LRRC7: variants seen among roughly 807,000 people sequenced by gnomAD.
LRRC7 encodes leucine-rich repeat-containing protein 7.
Under a neutral mutation model 175.7 loss-of-function variants are expected in LRRC7, and 23 were observed. The observed-to-expected ratio is 0.13, with a 90% CI of 0.09 to 0.19. The LOEUF (loss-of-function observed/expected upper bound fraction) is 0.19, where lower values mean the gene tolerates loss of function less well. LRRC7 is among the 10% of genes least tolerant of loss of function. The probability of loss-of-function intolerance (pLI) is 1.00; values close to 1 mark genes in which losing one functional copy is unlikely to be tolerated. For missense variants in LRRC7, 1,354 were observed against 1,904.7 expected (o/e 0.71, Z 5.38); for synonymous variants, 685 against 680.9 (o/e 1.01, Z -0.09).
intron 1 of LRRC7, among the ~76,000 whole-genome samples, chr1:69,596,936 T>C (rs951010630): frequency 1.3e-5 from 2 of 152,240 alleles, no homozygotes; most frequent in Admixed American, 1.3e-4. Flanking sequence ...GAGAACAATC[T>C]GGTGTCAGTC....
At chr1:69,896,277 TA>T (rs1191976910) in intron 7 of LRRC7, among the ~76,000 whole-genome samples, 2 of 152,156 alleles carry the variant, frequency 1.3e-5, no homozygotes, top group Admixed American at 1.3e-4. Context: ...TAACCTTAAA[TA>T]TTTTTCTTTT....
chr1:70,042,805 A>T (rs1558020100), intron 21 of LRRC7, among the ~76,000 whole-genome samples: 1 of 152,308 alleles, frequency 6.6e-6, no homozygotes, highest in South Asian at 2.1e-4. Flanking sequence ...ATAATAATGA[A>T]TCCATAACAA....
intron 7 of LRRC7, chr1:69,919,516 A>G: frequency 3.6e-6 from 3 of 833,544 alleles, no homozygotes; most frequent in Non-Finnish European, 6.0e-6. Context: ...GGAGCCCGCC[A>G]GGGTCCGCCG....
intron 7 of LRRC7, among the ~76,000 whole-genome samples, chr1:69,864,859 T>C (rs952386510): frequency 6.6e-6 from 1 of 152,184 alleles, no homozygotes; most frequent in African/African-American, 2.4e-5. Flanking sequence ...AGTATAATGC[T>C]GGCTGGGTCT....
At chr1:69,865,529 G>C (rs989585010) in intron 7 of LRRC7, among the ~76,000 whole-genome samples, 8 of 125,352 alleles carry the variant, frequency 6.4e-5, no homozygotes, top group African/African-American at 2.4e-4. Flanking sequence ...CAGGCTGGAT[G>C]GAGTGCAGTG....
Position 70,038,187 on chromosome 1 carries a change from A to G in LRRC7, c.2363A>G (p.Asn788Ser), listed in dbSNP as rs762257420. 2.5e-6 allele frequency: 4 copies of G among 1,613,990 alleles called. No homozygotes were observed. In the South Asian group the frequency reaches 3.3e-5, roughly 13 times the overall value. Reference protein sequence around the residue: ...LSQREAVPPGNIPQRPDRLPM... With the variant: ...LSQREAVPPGSIPQRPDRLPM... Reference sequence around the variant, plus strand: ...CAGCGGGAGGCTGTTCCCCCAGGCAATATACCACAGCGTCCTGACCGGCTG... The same window carrying G: ...CAGCGGGAGGCTGTTCCCCCAGGCAGTATACCACAGCGTCCTGACCGGCTG... The change falls in exon 21 of 27, where the codon AAT (asparagine) becomes AGT (serine). Residue 788 changes from asparagine (N) to serine (S), a missense_variant. Around this residue, in one of 4 missense-constraint regions of LRRC7, gnomAD observed 1,032 missense variants for 1,227.2 expected, o/e 0.84. Coordinates refer to ENST00000651989, the MANE Select transcript of LRRC7 (RefSeq NM_001370785.2).
At chr1:70,072,092 T>A (rs1006978130) in intron 23 of LRRC7, among the ~76,000 whole-genome samples, 13 of 152,162 alleles carry the variant, frequency 8.5e-5, no homozygotes, top group African/African-American at 2.4e-4. Context: ...ACTTTGACAG[T>A]TTTTTAGGGG....
intron 1 of LRRC7, among the ~76,000 whole-genome samples, chr1:69,657,676 A>G (rs1342236772): frequency 6.6e-6 from 1 of 151,964 alleles, no homozygotes; most frequent in Non-Finnish European, 1.5e-5. Context: ...AAGCAGAGAA[A>G]GCATAGGAAG....
At chr1:69,779,996 G>A (rs1355203585) in intron 3 of LRRC7, among the ~76,000 whole-genome samples, 3 of 152,142 alleles carry the variant, frequency 2.0e-5, no homozygotes, top group African/African-American at 7.2e-5. Flanking sequence ...AACTCTTAAT[G>A]ATTTCTCCTC....
At chr1:69,867,889 T>C (rs933331027) in intron 7 of LRRC7, among the ~76,000 whole-genome samples, 1 of 152,118 alleles carries the variant, frequency 6.6e-6, no homozygotes, top group Non-Finnish European at 1.5e-5. Context: ...GAGTTTCATT[T>C]TGAATATGTG....
intron 10 of LRRC7, among the ~76,000 whole-genome samples, chr1:69,986,588 C>G (rs945621951): frequency 2.0e-5 from 3 of 152,104 alleles, no homozygotes; most frequent in Non-Finnish European, 4.4e-5. Context: ...CAAGAAGGCT[C>G]TTCTGTTAAA....
chr1:69,983,934 T>G (rs1653683875), intron 9 of LRRC7, among the ~76,000 whole-genome samples: 1 of 145,066 alleles, frequency 6.9e-6, no homozygotes, highest in African/African-American at 2.5e-5. Flanking sequence ...GACATTATAC[T>G]TTTTTTTTTT....
chr1:69,865,469 C>CTTTTTTTTTTTTTTTTTTTTCTTTTT (rs1684824884), intron 7 of LRRC7, among the ~76,000 whole-genome samples: 1 of 51,262 alleles, frequency 2.0e-5, no homozygotes, highest in East Asian at 4.8e-4. Flanking sequence ...AAGACAGTTC[C>CTTTTTTTTTTTTTTTTTTTTCTTTTT]TTTTTTTTTT....
At chr1:69,839,950 G>T (rs148435843) in intron 7 of LRRC7, among the ~76,000 whole-genome samples, 171 of 151,996 alleles carry the variant, frequency 1.1e-3, no homozygotes, top group African/African-American at 4.0e-3. Flanking sequence ...TGAGATTGTG[G>T]CCCAGTATTA....
At chr1:69,601,227 A>C (rs1045523012) in intron 1 of LRRC7, among the ~76,000 whole-genome samples, 10 of 152,220 alleles carry the variant, frequency 6.6e-5, no homozygotes, top group African/African-American at 2.4e-4. Context: ...CAAAGCAAGG[A>C]AATATATGTG....
chr1:69,737,406 A>G (rs1383866819), intron 2 of LRRC7, among the ~76,000 whole-genome samples: 6 of 152,044 alleles, frequency 3.9e-5, no homozygotes, highest in Non-Finnish European at 7.4e-5. Flanking sequence ...TTCCACCATG[A>G]TTGTGAGGCC....
chr1:70,038,152 A>G lies in LRRC7; in HGVS notation c.2328A>G (p.Pro776=). The change falls in exon 21 of 27, where the codon CCA becomes CCG. Residue 776 remains proline, a synonymous_variant. Transcript: ENST00000651989. ...TCCCACAGCCTCTTGATTCAAAGCC[A>G]TTACTCAGCCAGCGGGAGGCTGTTC... The part of the protein sequence containing the change: ...PSFPQPLDSK[P]LLSQREAVPP... The G allele has an allele frequency of 6.2e-7, 1 of 1,613,284 alleles. No homozygotes were observed. Among genetic ancestry groups the G allele is most frequent in the Non-Finnish European group, 8.5e-7 (1 of 1,179,598 alleles).
At position 70,007,621 on chromosome 1, in the gene LRRC7, C is replaced by T. The variant is rs1026781887; in HGVS notation, c.1005-4176C>T. Reference sequence around the variant, plus strand: ...CAGGGTTAGTTTGAACAATGCTTGCCGTCTTTTCATGATACGTTGTTAAAC... The same window carrying T: ...CAGGGTTAGTTTGAACAATGCTTGCTGTCTTTTCATGATACGTTGTTAAAC... On this transcript the variant is annotated intron_variant, in intron 11 of 26. Transcript: ENST00000651989. 3.3e-5 allele frequency among the ~76,000 whole-genome samples: 5 copies of T among 152,054 alleles called. No individual in the cohort carries two copies. The South Asian group carries it at 8.3e-4, about 25-fold the overall frequency.
chr1:69,909,837 G>A (rs983869086), intron 7 of LRRC7, among the ~76,000 whole-genome samples: 2 of 152,082 alleles, frequency 1.3e-5, no homozygotes, highest in Non-Finnish European at 2.9e-5. Flanking sequence ...GATTGGGGAT[G>A]TTCTCCTGGA....
Sources: gnomAD v4.1 joint callset for allele counts (sites outside exome capture counted in the v4.1 genomes callset) on GRCh38, gnomAD v4.1.1 for gene constraint, gnomAD v4.1.1 regional missense constraint, MANE v1.5 for transcripts, NCBI Gene and HGNC (gene_info 2026-07-23, HGNC 2026-07-21) for gene names.